COG6: variants seen among roughly 807,000 people sequenced by gnomAD.
COG6 encodes component of oligomeric golgi complex 6, also known as conserved oligomeric Golgi complex subunit 6.
A neutral mutation model predicts 88.8 loss-of-function variants in COG6; 74 were observed. That is an observed-to-expected ratio of 0.83 (90% CI 0.69 to 1.01). The LOEUF is 1.01. COG6 is among the 50% of genes least tolerant of loss of function. The pLI is 0.00. For synonymous variants in COG6, 286 were observed against 278.7 expected, an observed-to-expected ratio of 1.03 and a Z score of -0.26; for missense variants, 800 against 797.9, an observed-to-expected ratio of 1.00 and a Z score of -0.03.
intron 8 of COG6, among the ~76,000 whole-genome samples, chr13:39,684,255 T>TTTTTTTTTTG (rs1876499183): frequency 9.1e-6 from 1 of 110,190 alleles, no homozygotes; most frequent in Non-Finnish European, 1.9e-5. Flanking sequence ...TTTTTTTTTT[T>TTTTTTTTTTG]TTTTTTTTTT....
At position 39,675,039 on chromosome 13, in the gene COG6, C is replaced by T. The variant is rs191494896; in HGVS notation, c.429-2429C>T. Reference sequence around the variant, plus strand: ...GATCATTTTGTTAGTACATATAGATCTACCTCAGTTTGATCTATTATGTAT... The same window carrying T: ...GATCATTTTGTTAGTACATATAGATTTACCTCAGTTTGATCTATTATGTAT... On this transcript the variant is annotated intron_variant, in intron 4 of 18. Coordinates refer to ENST00000455146, the MANE Select transcript of COG6 (RefSeq NM_020751.3). Among the ~76,000 whole-genome samples, 188 of 152,168 alleles carry T rather than the reference C, an allele frequency of 1.2e-3. 1 individual carries two copies. The highest frequency in any genetic ancestry group is 6.8e-3 in the Middle Eastern group (2 of 294).
intron 15 of COG6, 41 bp downstream of exon 15, chr13:39,719,868 C>G (rs1287890488): frequency 3.4e-6 from 5 of 1,488,578 alleles, no homozygotes; most frequent in Non-Finnish European, 4.7e-6. Context: ...ATGATTGAAT[C>G]TTTTTCTCTA....
In COG6 at chr13:39,751,371, G is replaced by C; in HGVS notation, c.*278G>C. ...CTGCAGTTTTCACTGTATTCAGGAA[G>C]CATAAAGTAGTATGAAAGGTTTGAA... is the stretch of plus-strand genomic sequence containing the variant. On this transcript the variant is annotated 3_prime_UTR_variant, in exon 19 of 19. Transcript: ENST00000455146. 7.2e-7 allele frequency: 1 copy of C among 1,397,662 alleles called. No homozygotes were observed. Among genetic ancestry groups the C allele is most frequent in the Non-Finnish European group, 9.4e-7 (1 of 1,063,294 alleles). The allele number at this position is 1,397,662 out of a possible 1,614,324, so 86.6% of individuals were successfully genotyped here. A position where few individuals can be genotyped will look rare whatever the true frequency, so the allele number is the denominator to read the frequency against.
intron 15 of COG6, among the ~76,000 whole-genome samples, chr13:39,722,777 C>T (rs1254438182): frequency 6.6e-6 from 1 of 152,062 alleles, no homozygotes; most frequent in Admixed American, 6.6e-5. Context: ...CTGTTAGCTG[C>T]ATCTTCTTAG....
chr13:39,700,725 A>G (rs568758288), intron 13 of COG6, among the ~76,000 whole-genome samples: 1 of 151,890 alleles, frequency 6.6e-6, no homozygotes, highest in African/African-American at 2.4e-5. Context: ...AAATGACCAA[A>G]TAAGTCTGGT....
chr13:39,772,886 A>T (rs963079869), intron 18 of COG6, among the ~76,000 whole-genome samples: 2 of 152,284 alleles, frequency 1.3e-5, no homozygotes, highest in Non-Finnish European at 2.9e-5. Flanking sequence ...GCTGGTGAAG[A>T]CCTGCCCTCC....
chr13:39,752,918 C>A (rs1880714035), downstream of COG6, among the ~76,000 whole-genome samples: 1 of 152,216 alleles, frequency 6.6e-6, no homozygotes, highest in African/African-American at 2.4e-5. Context: ...GTCTGCCCTT[C>A]TTTCAGAGAG....
intron 18 of COG6, among the ~76,000 whole-genome samples, chr13:39,766,909 T>C (rs1026515802): frequency 5.3e-5 from 8 of 152,202 alleles, no homozygotes; most frequent in Non-Finnish European, 1.2e-4. Flanking sequence ...TCTGTGCATA[T>C]AAGTGAAAAT....
At chr13:39,686,302 A>G (rs1004304002) in intron 8 of COG6, among the ~76,000 whole-genome samples, 5 of 152,230 alleles carry the variant, frequency 3.3e-5, no homozygotes, top group African/African-American at 1.2e-4. Flanking sequence ...TAAAATGGAA[A>G]GAACTTTCAA....
chr13:39,728,451 G>C (rs1249042730), intron 18 of COG6, among the ~76,000 whole-genome samples: 1 of 147,240 alleles, frequency 6.8e-6, no homozygotes, highest in Non-Finnish European at 1.5e-5. Context: ...AATTAGAATT[G>C]GCTGGAAATC....
intron 4 of COG6, among the ~76,000 whole-genome samples, chr13:39,674,260 A>T (rs1875830272): frequency 6.7e-6 from 1 of 148,206 alleles, no homozygotes; most frequent in Non-Finnish European, 1.5e-5. Flanking sequence ...TAATTTACAT[A>T]TCATCGAATA....
chr13:39,679,429 C>G (rs1038898871), intron 5 of COG6, 109 bp from the exon 6 acceptor site: 6 of 732,064 alleles, frequency 8.2e-6, no homozygotes, highest in Non-Finnish European at 1.5e-5. Context: ...AGGAAGGCTT[C>G]CCTAAAATAG....
chr13:39,759,812 CAATTT>C (rs1302345962), intron 18 of COG6, among the ~76,000 whole-genome samples: 2 of 152,044 alleles, frequency 1.3e-5, no homozygotes, highest in Non-Finnish European at 2.9e-5. Context: ...TTAGCACTGA[CAATTT>C]AATAAGTAAA....
chr13:39,789,239 A>C (rs1881866223), exon 19 of COG6: 1 of 152,244 alleles, frequency 6.6e-6, no homozygotes, highest in Non-Finnish European at 1.5e-5. Flanking sequence ...TGCCGTATAA[A>C]TAATGCTGCC....
At chr13:39,786,198 A>G (rs1227982576) in intron 18 of COG6, among the ~76,000 whole-genome samples, 1 of 152,206 alleles carries the variant, frequency 6.6e-6, no homozygotes, top group Non-Finnish European at 1.5e-5. Context: ...TCAGTGACCC[A>G]AAACAACCAG....
chr13:39,788,441 G>T (rs1881841802), exon 19 of COG6: 1 of 1,350,186 alleles, frequency 7.4e-7, no homozygotes, highest in Non-Finnish European at 1.0e-6. Flanking sequence ...CTGCCTTGGG[G>T]ACTGGCTATA....
chr13:39,674,952 A>G (rs944958178), intron 4 of COG6, among the ~76,000 whole-genome samples: 2 of 152,122 alleles, frequency 1.3e-5, no homozygotes, highest in Non-Finnish European at 2.9e-5. Flanking sequence ...ACTTCTTAAA[A>G]ATAAGTGGGG....
Position 39,682,372 on chromosome 13 carries a change from T to C in COG6, c.788+108T>C, listed in dbSNP as rs548175494. 1.9e-5 allele frequency: 13 copies of C among 699,590 alleles called. No individual in the cohort carries two copies. In the African/African-American group the frequency reaches 2.3e-4, roughly 13 times the overall value. The allele number at this position is 699,590 out of a possible 1,614,324, so 43.3% of individuals were successfully genotyped here. A position where few individuals can be genotyped will look rare whatever the true frequency, so the allele number is the denominator to read the frequency against. On this transcript the variant is annotated intron_variant, in intron 8 of 18. Transcript: ENST00000455146. ...TATATAATAGTTTGAGTAATATTTA[T>C]AATAATTTACAACAATACTGTTCAC...
intron 13 of COG6, among the ~76,000 whole-genome samples, chr13:39,709,374 C>T (rs1341336503): frequency 6.6e-6 from 1 of 151,922 alleles, no homozygotes; most frequent in Admixed American, 6.6e-5. Flanking sequence ...GAAGTCTGGG[C>T]TTTTAGTGTA....
Sources: allele counts gnomAD v4.1 joint callset (sites outside exome capture counted in the v4.1 genomes callset), GRCh38; gene constraint gnomAD v4.1.1; transcripts MANE v1.5; gene names NCBI Gene and HGNC (gene_info 2026-07-23, HGNC 2026-07-21).